Variants in ZFYVE9 observed in about 807,000 individuals in gnomAD.
The protein encoded by ZFYVE9 is zinc finger FYVE-type containing 9, also known as zinc finger FYVE domain-containing protein 9.
Under a neutral mutation model 126.7 loss-of-function variants are expected in ZFYVE9, and 43 were observed. The ratio of observed to expected loss-of-function variants is 0.34; its 90% CI spans 0.27 to 0.44. The LOEUF (loss-of-function observed/expected upper bound fraction) is 0.44, where lower values mean the gene tolerates loss of function less well. ZFYVE9 is among the 20% of genes least tolerant of loss of function. The pLI, the probability that ZFYVE9 is intolerant of heterozygous loss-of-function variation, is 1.00. For synonymous variants in ZFYVE9, 521 were observed against 597.4 expected, an observed-to-expected ratio of 0.87 and a Z score of 1.87; for missense variants, 1,476 against 1,697.0, an observed-to-expected ratio of 0.87 and a Z score of 2.29.
At chr1:52,230,034 A>AT (rs1645203693) in intron 2 of ZFYVE9, among the ~76,000 whole-genome samples, 1 of 151,816 alleles carries the variant, frequency 6.6e-6, no homozygotes, top group Non-Finnish European at 1.5e-5. Flanking sequence ...CGTCCAGCTA[A>AT]TTTTTTTGTA....
At chr1:52,309,889 C>A (rs542337635) in intron 13 of ZFYVE9, among the ~76,000 whole-genome samples, 26 of 152,252 alleles carry the variant, frequency 1.7e-4, no homozygotes, top group African/African-American at 6.0e-4. Context: ...TTTTAATAAG[C>A]ATTGTATATA....
intron 1 of ZFYVE9, among the ~76,000 whole-genome samples, chr1:52,146,025 AT>A (rs1403755175): frequency 9.7e-5 from 8 of 82,718 alleles, no homozygotes; most frequent in African/African-American, 3.2e-4. Context: ...GCTCAAAAAT[AT>A]CCACACACAC....
chr1:52,221,089 C>G (rs1304404779), intron 2 of ZFYVE9, among the ~76,000 whole-genome samples: 2 of 152,212 alleles, frequency 1.3e-5, no homozygotes, highest in Non-Finnish European at 2.9e-5. Flanking sequence ...TGAAGGCATA[C>G]TTGGAGTCAG....
rs369058772 is a variant in ZFYVE9, at chr1:52,266,842, A to T, written c.2455+11A>T. 3 of 1,581,026 alleles carry T rather than the reference A, an allele frequency of 1.9e-6. No homozygotes were observed. The African/African-American group carries it at 4.1e-5, about 21-fold the overall frequency. On this transcript the variant is annotated intron_variant, in intron 6 of 18. Transcript: ENST00000287727. ...ACCCTGGAGCAGAAGGTAGGGGATC[A>T]TGTGCTATTCTCTCTCTTTTTCCTC...
chr1:52,282,440 G>A (rs1645814163), intron 10 of ZFYVE9, among the ~76,000 whole-genome samples: 1 of 152,122 alleles, frequency 6.6e-6, no homozygotes, highest in East Asian at 1.9e-4. Context: ...TAGAAAAACG[G>A]TGTAATTGAA....
intron 1 of ZFYVE9, among the ~76,000 whole-genome samples, chr1:52,194,080 G>C (rs1215094245): frequency 2.0e-5 from 3 of 152,122 alleles, no homozygotes; most frequent in African/African-American, 7.2e-5. Flanking sequence ...CTGCACTCCA[G>C]TCTGGGCGAC....
In ZFYVE9 at chr1:52,259,801, T is replaced by G. The variant is rs563838430; in HGVS notation, c.2179-3972T>G. ...GACACAGCAAGACTGTGTCTAAAAA[T>G]AAAAAAGAAAAAGGCCCTACTTCCA... On this transcript the variant is annotated intron_variant, in intron 4 of 18. Transcript: ENST00000287727. Among the ~76,000 whole-genome samples the G allele has an allele frequency of 9.9e-5, 15 of 151,884 alleles. No individual in the cohort carries two copies. In the East Asian group the frequency reaches 1.4e-3, roughly 14 times the overall value.
intron 1 of ZFYVE9, among the ~76,000 whole-genome samples, chr1:52,143,112 C>G (rs1471291295): frequency 6.6e-6 from 1 of 152,120 alleles, no homozygotes; most frequent in Non-Finnish European, 1.5e-5. Context: ...GTTATAAAAA[C>G]GTCTTTTACA....
intron 13 of ZFYVE9, among the ~76,000 whole-genome samples, chr1:52,331,147 G>A (rs1646337535): frequency 6.6e-6 from 1 of 152,112 alleles, no homozygotes; most frequent in Non-Finnish European, 1.5e-5. Flanking sequence ...GGGATTACAG[G>A]TGTGAGCCAC....
At chr1:52,188,756 A>G (rs1325954299) in intron 1 of ZFYVE9, among the ~76,000 whole-genome samples, 2 of 152,096 alleles carry the variant, frequency 1.3e-5, no homozygotes, top group Non-Finnish European at 2.9e-5. Context: ...TCAGAATTAC[A>G]GTATTTCTAG....
intron 6 of ZFYVE9, 128 bp from the exon 7 acceptor site, chr1:52,268,335 G>T: frequency 2.2e-6 from 2 of 890,706 alleles, no homozygotes; most frequent in Non-Finnish European, 1.7e-6. Flanking sequence ...CATTTCTGAT[G>T]TTTCTGATTG....
At chr1:52,229,502 A>G (rs1645197986) in intron 2 of ZFYVE9, among the ~76,000 whole-genome samples, 1 of 152,246 alleles carries the variant, frequency 6.6e-6, no homozygotes, top group Non-Finnish European at 1.5e-5. Context: ...AATTTACTTA[A>G]TAGTTTAGCA....
chr1:52,200,303 T>C (rs1310506905), intron 1 of ZFYVE9, among the ~76,000 whole-genome samples: 1 of 152,076 alleles, frequency 6.6e-6, no homozygotes, highest in Non-Finnish European at 1.5e-5. Flanking sequence ...CTCAGTCTCC[T>C]GAGTAGCTGG....
At chr1:52,275,665 A>G (rs1645740908) in intron 8 of ZFYVE9, among the ~76,000 whole-genome samples, 1 of 152,124 alleles carries the variant, frequency 6.6e-6, no homozygotes, top group African/African-American at 2.4e-5. Context: ...GCTGACATAT[A>G]TGGATCAGTA....
At chr1:52,215,546 A>G (rs1645064174) in intron 1 of ZFYVE9, among the ~76,000 whole-genome samples, 1 of 152,226 alleles carries the variant, frequency 6.6e-6, no homozygotes, top group South Asian at 2.1e-4. Flanking sequence ...AGTGTTCATT[A>G]AATTATCTCC....
intron 1 of ZFYVE9, among the ~76,000 whole-genome samples, chr1:52,193,393 CAAAAAAA>C (rs397863555): frequency 2.1e-5 from 2 of 95,830 alleles, no homozygotes; most frequent in South Asian, 3.7e-4. Flanking sequence ...TTGTCAGTAT[CAAAAAAA>C]AAAAAAAAAA....
rs111521154 is a variant in ZFYVE9 at position 52,240,762 on chromosome 1, A to G, written c.2178+1167A>G. On this transcript the variant is annotated intron_variant, in intron 4 of 18. Coordinates refer to ENST00000287727, the MANE Select transcript of ZFYVE9 (RefSeq NM_004799.4). ...GCTGGGGGGCAAAAGAGCCTACTCT[A>G]CTCTTGGCACCCTCTTATCAGGGAG... Among the ~76,000 whole-genome samples, 436 of 152,066 alleles carry G rather than the reference A, an allele frequency of 2.9e-3. 2 individuals carry two copies. Among genetic ancestry groups the G allele is most frequent in the African/African-American group, 0.01 (424 of 41,456 alleles).
intron 15 of ZFYVE9, among the ~76,000 whole-genome samples, chr1:52,335,862 G>A (rs1249461745): frequency 7.9e-5 from 12 of 152,074 alleles, no homozygotes; most frequent in African/African-American, 1.4e-4. Flanking sequence ...GGCCGGGTGC[G>A]GTGGCTCACG....
At chr1:52,154,893 CTT>C (rs1644387610) in intron 1 of ZFYVE9, among the ~76,000 whole-genome samples, 1 of 152,128 alleles carries the variant, frequency 6.6e-6, no homozygotes, top group Non-Finnish European at 1.5e-5. Context: ...ATAAGCAAAA[CTT>C]TGGCTTTTTT....
Sources: gnomAD v4.1 joint callset for allele counts (sites outside exome capture counted in the v4.1 genomes callset) on GRCh38, gnomAD v4.1.1 for gene constraint, MANE v1.5 for transcripts, NCBI Gene and HGNC (gene_info 2026-07-23, HGNC 2026-07-21) for gene names.